SLC12A7: variants seen among roughly 807,000 people sequenced by gnomAD.
The protein encoded by SLC12A7 is solute carrier family 12 member 7, also known as K-Cl cotransporter 4.
SLC12A7 carries 100 observed loss-of-function variants against 120.6 expected under a neutral mutation model. The observed-to-expected ratio is 0.83, with a 90% confidence interval of 0.71 to 0.98. The LOEUF is 0.98. SLC12A7 is among the 50% of genes least tolerant of loss of function. The probability of loss-of-function intolerance (pLI) is 0.00; values close to 1 mark genes in which losing one functional copy is unlikely to be tolerated. For synonymous variants in SLC12A7, 760 were observed against 678.0 expected (o/e 1.12, Z -1.88); for missense variants, 1,373 against 1,548.1 (o/e 0.89, Z 1.90).
rs1299014459 is a variant in SLC12A7, at chr5:1,079,491, T to C, written c.1303A>G (p.Met435Val). Residue 435 changes from methionine (M) to valine (V), a missense_variant, in exon 10 of 24, where the codon ATG (methionine) becomes GTG (valine). By Grantham distance (21) the Met-to-Val change is conservative. Coordinates refer to ENST00000264930, the MANE Select transcript of SLC12A7 (RefSeq NM_006598.3). ...GIYFPSVTGIMAGSNRSGDLK... is the reference protein window; with the variant it reads ...GIYFPSVTGIVAGSNRSGDLK... ...TCCCCGGACCGGTTTGAACCCGCCA[T>C]GATACCTGTGAACATGGAAAATGCT... is the stretch of plus-strand genomic sequence containing the variant. 6 of 1,611,994 alleles carry C rather than the reference T, an allele frequency of 3.7e-6. No homozygotes were observed. In the Admixed American group the frequency reaches 6.7e-5, roughly 18 times the overall value.
At chr5:1,076,265 G>A (rs1446889464) in intron 13 of SLC12A7, 29 bp from the exon 14 acceptor site, 2 of 1,561,714 alleles carry the variant, frequency 1.3e-6, no homozygotes, top group East Asian at 2.3e-5. Context: ...ACTGATACGG[G>A]CCCACTGGGC....
intron 11 of SLC12A7, 24 bp downstream of exon 11, chr5:1,078,677 C>T (rs371249013): frequency 4.9e-5 from 79 of 1,603,388 alleles, no homozygotes; most frequent in African/African-American, 1.1e-4. Flanking sequence ...AGGCTTTGCA[C>T]GAAAACTGCA....
chr5:1,099,182 C>T (rs1403155333), intron 1 of SLC12A7, among the ~76,000 whole-genome samples: 1 of 152,168 alleles, frequency 6.6e-6, no homozygotes, highest in Non-Finnish European at 1.5e-5. Flanking sequence ...CAACCCAGAT[C>T]AGGTCTCCCC....
intron 8 of SLC12A7, among the ~76,000 whole-genome samples, chr5:1,082,475 G>T (rs550968756): frequency 1.2e-4 from 16 of 138,002 alleles, no homozygotes; most frequent in Admixed American, 2.8e-4. Flanking sequence ...TAGGGTTCTG[G>T]AAAGTCCGGG....
rs1242187139 is a variant in SLC12A7, at chr5:1,050,854, G to T, written c.*1506C>A. ...TCACTCTACAGCAATGCCAGCCCTA[G>T]TCTGGCTCCTCAGAAACATCTGGGG... is the stretch of plus-strand genomic sequence containing the variant. On this transcript the variant is annotated 3_prime_UTR_variant, in exon 24 of 24. Coordinates refer to ENST00000264930, the MANE Select transcript of SLC12A7 (RefSeq NM_006598.3). The T allele has an allele frequency of 5.0e-6, 2 of 398,650 alleles. No homozygotes were observed. The highest frequency in any genetic ancestry group is 8.8e-6 in the Non-Finnish European group (2 of 226,068). 24.7% of individuals were successfully genotyped at this position (398,650 alleles called of 1,614,324 possible).
At position 1,088,893 on chromosome 5, in the gene SLC12A7, C is replaced by T. The variant is rs539550669; in HGVS notation, c.489+89G>A. On this transcript the variant is annotated intron_variant, in intron 4 of 23. Transcript: ENST00000264930. ...CCACCGCCCGAAGGCACAACCACAG[C>T]GGCCAGGGGAGACGGCATCTGGGGA... The T allele has an allele frequency of 5.1e-4, 788 of 1,531,156 alleles. 1 individual carries two copies. Among genetic ancestry groups the T allele is most frequent in the Admixed American group, 1.9e-3 (110 of 57,646 alleles). The allele number at this position is 1,531,156 out of a possible 1,614,324, so 94.8% of individuals were successfully genotyped here. A position where few individuals can be genotyped will look rare whatever the true frequency, so the allele number is the denominator to read the frequency against.
chr5:1,076,935 C>T, intron 12 of SLC12A7, 123 bp from the exon 13 acceptor site: 2 of 714,584 alleles, frequency 2.8e-6, no homozygotes, highest in South Asian at 1.6e-5. Flanking sequence ...ACGCCTTTCA[C>T]AGTAGGTCCC....
chr5:1,075,073 C>T (rs551648160), intron 15 of SLC12A7, among the ~76,000 whole-genome samples: 2 of 152,302 alleles, frequency 1.3e-5, no homozygotes, highest in East Asian at 1.9e-4. Flanking sequence ...GGACACCTCG[C>T]GAGACACGTA....
chr5:1,094,328 G>A (rs926652517), intron 1 of SLC12A7, 80 bp from the exon 2 acceptor site: 24 of 986,800 alleles, frequency 2.4e-5, no homozygotes, highest in African/African-American at 9.5e-5. Flanking sequence ...GATCTTGCAC[G>A]GAGGGCTCTG....
Position 1,094,258 on chromosome 5 carries a change from G to A in SLC12A7, c.125-10C>T, listed in dbSNP as rs1472357942. On this transcript the variant is annotated splice_polypyrimidine_tract_variant and intron_variant, in intron 1 of 23. Transcript: ENST00000264930. ...CTTGGATTTCCATCTCCTAGTGAGGGAAAAACAATTCAGAGTCAGCTTAGA... is the reference window on the plus strand; with the variant it reads ...CTTGGATTTCCATCTCCTAGTGAGGAAAAAACAATTCAGAGTCAGCTTAGA... 6.2e-7 allele frequency: 1 copy of A among 1,601,464 alleles called. No homozygotes were observed. Among genetic ancestry groups the A allele is most frequent in the Admixed American group, 1.7e-5 (1 of 59,990 alleles).
In SLC12A7 at chr5:1,061,233, TACCTGCC is replaced by T. The variant is rs1736215093; in HGVS notation, c.2740-789_2740-783del. On this transcript the variant is annotated intron_variant, in intron 20 of 23. Transcript: ENST00000264930. ...TGCGTCTCACCCACCGCACCCGCCGTACCTGCCGCATCCGCCATGCGGAACCCCTGCG... is the reference window on the plus strand; with the variant it reads ...TGCGTCTCACCCACCGCACCCGCCGTGCATCCGCCATGCGGAACCCCTGCG... Among the ~76,000 whole-genome samples, 6 of 4,862 alleles carry T rather than the reference TACCTGCC, an allele frequency of 1.2e-3. 2 individuals carry two copies. The highest frequency in any genetic ancestry group is 1.5e-3 in the African/African-American group (6 of 3,936). The allele number at this position is 4,862 out of a possible 152,430, so 3.2% of individuals were successfully genotyped here.
At chr5:1,083,343 G>C (rs1007511418) in intron 8 of SLC12A7, among the ~76,000 whole-genome samples, 1 of 152,242 alleles carries the variant, frequency 6.6e-6, no homozygotes, top group African/African-American at 2.4e-5. Flanking sequence ...TACCCTGCCA[G>C]GGGTCCTTTT....
At chr5:1,065,566 C>G (rs1263777825) in intron 17 of SLC12A7, 88 bp from the exon 18 acceptor site, 2 of 1,165,406 alleles carry the variant, frequency 1.7e-6, no homozygotes, top group African/African-American at 1.6e-5. Flanking sequence ...GGCACCCGCA[C>G]CACCTCCCCT....
At chr5:1,112,183 A>C, upstream of SLC12A7, 12 of 568,384 alleles carry the variant, frequency 2.1e-5, no homozygotes, top group Non-Finnish European at 3.0e-5. Flanking sequence ...AGGGACCCCA[A>C]CCCAGGCTGC....
the SLC12A7 span, among the ~76,000 whole-genome samples, chr5:1,141,257 G>A: frequency 1.3e-5 from 2 of 152,192 alleles, no homozygotes; most frequent in Non-Finnish European, 1.5e-5. Flanking sequence ...AAGGACACCC[G>A]TTATATTGAA....
chr5:1,058,902 G>A (rs892889947), intron 21 of SLC12A7, among the ~76,000 whole-genome samples: 1 of 148,778 alleles, frequency 6.7e-6, no homozygotes, highest in African/African-American at 2.5e-5. Flanking sequence ...CCCTTCTGCA[G>A]AGCGGTGACA....
At chr5:1,078,548 A>T (rs1341078213) in intron 11 of SLC12A7, 153 bp downstream of exon 11, 10 of 678,812 alleles carry the variant, frequency 1.5e-5, no homozygotes, top group Non-Finnish European at 2.7e-5. Flanking sequence ...ACGACACATC[A>T]GACCAAGGGA....
At position 1,112,049 on chromosome 5, in the gene SLC12A7, C is replaced by A; in HGVS notation, c.-58G>T. On this transcript the variant is annotated 5_prime_UTR_variant, in exon 1 of 24. Coordinates refer to ENST00000264930, the MANE Select transcript of SLC12A7 (RefSeq NM_006598.3). ...CCGGCCCGCGCTGCGCCGCTCCCGCCGACGCCACGGGACTTGGAGGCAGGG... is the reference window on the plus strand; with the variant it reads ...CCGGCCCGCGCTGCGCCGCTCCCGCAGACGCCACGGGACTTGGAGGCAGGG... The A allele has an allele frequency of 1.6e-6, 2 of 1,212,288 alleles. No homozygotes were observed. Among genetic ancestry groups the A allele is most frequent in the Non-Finnish European group, 2.1e-6 (2 of 974,406 alleles). The allele number at this position is 1,212,288 out of a possible 1,614,324, so 75.1% of individuals were successfully genotyped here.
intron 5 of SLC12A7, 69 bp from the exon 6 acceptor site, chr5:1,087,102 G>A (rs1297534507): frequency 1.1e-5 from 17 of 1,510,494 alleles, no homozygotes; most frequent in Admixed American, 4.3e-5. Context: ...TGCGGTCTGC[G>A]CTGCCATTCA....
Sources: gnomAD v4.1 joint callset for allele counts (sites outside exome capture counted in the v4.1 genomes callset) on GRCh38, gnomAD v4.1.1 for gene constraint, MANE v1.5 for transcripts, NCBI Gene and HGNC (gene_info 2026-07-23, HGNC 2026-07-21) for gene names.